Variants in PEPD observed in about 807,000 individuals in gnomAD.
The protein encoded by PEPD is xaa-Pro dipeptidase.
PEPD carries 53 observed loss-of-function variants against 60.7 expected under a neutral mutation model. That is an observed-to-expected ratio of 0.87 (90% CI 0.70 to 1.10). The LOEUF (loss-of-function observed/expected upper bound fraction) is 1.10, where lower values mean the gene tolerates loss of function less well. Ranked by LOEUF, PEPD falls within the 50% of genes least tolerant of loss-of-function variation. The pLI is 0.00. For missense variants in PEPD, 711 were observed against 711.9 expected, an observed-to-expected ratio of 1.00 and a Z score of 0.01; for synonymous variants, 267 against 284.1, an observed-to-expected ratio of 0.94 and a Z score of 0.60.
At chr19:33,392,549 C>T (rs559892955) in intron 12 of PEPD, among the ~76,000 whole-genome samples, 3 of 152,272 alleles carry the variant, frequency 2.0e-5, no homozygotes, top group African/African-American at 4.8e-5. Context: ...AGGCACGTGG[C>T]GGGGGGCCCC....
At chr19:33,411,618 C>A in intron 11 of PEPD, 54 bp downstream of exon 11, 1 of 1,008,126 alleles carries the variant, frequency 9.9e-7, no homozygotes, top group South Asian at 1.3e-5. Flanking sequence ...GAAGTTGAGT[C>A]CAACCTTGGC....
At chr19:33,512,872 G>C in intron 1 of PEPD, 96 bp from the exon 2 acceptor site, 1 of 1,390,728 alleles carries the variant, frequency 7.2e-7, no homozygotes, top group Non-Finnish European at 1.0e-6. Flanking sequence ...GCCCGAGCCT[G>C]CCGTGGGACC....
chr19:33,390,016 A>C (rs3786894), intron 13 of PEPD, among the ~76,000 whole-genome samples: 186 of 152,348 alleles, frequency 1.2e-3, no homozygotes, highest in Admixed American at 3.3e-3. Flanking sequence ...CACCGCGCCC[A>C]TGCTCGCCTC....
chr19:33,413,525 CT>C (rs1411245417), intron 10 of PEPD, 49 bp downstream of exon 10: 1 of 1,062,784 alleles, frequency 9.4e-7, no homozygotes, highest in African/African-American at 1.6e-5. Flanking sequence ...ACTAACTGCC[CT>C]ACCTCCTCCC....
rs375631938 is a variant in PEPD at position 33,490,037 on chromosome 19, G to A, written c.462C>T (p.Ser154=). 1.9e-5 allele frequency: 30 copies of A among 1,612,138 alleles called. No individual in the cohort carries two copies. Among genetic ancestry groups the A allele is most frequent in the African/African-American group, 1.2e-4 (9 of 75,020 alleles). ...LLTLRGVNTD[S]GSVCREASFD... ...AGGAGGCCTCCCTGCAGACACTGCC[G>A]CTGTCCGTGTTGACGCCACGCTGGG... The change falls in exon 6 of 15, where the codon AGC becomes AGT. Residue 154 remains serine (S), a synonymous_variant. Transcript: ENST00000244137.
rs1568442598 is a variant in PEPD, at chr19:33,387,929, A to C, written c.1305T>G (p.Leu435=). 1.3e-6 allele frequency: 2 copies of C among 1,595,452 alleles called. No homozygotes were observed. The highest frequency in any genetic ancestry group is 3.5e-5 in the Admixed American group (2 of 57,358). ...GAAAGCGCTGCAGGACCTCGCGGTT[A>C]AGGAAGGAGGCGCGGGCCGGGTCCG... ...ALADPARASF[L]NREVLQRFRG... Residue 435 remains leucine (L), a synonymous_variant, in exon 14 of 15, where the codon CTT becomes CTG. Coordinates refer to ENST00000244137, the MANE Select transcript of PEPD (RefSeq NM_000285.4).
chr19:33,428,967 G>A (rs1183367850), intron 9 of PEPD, among the ~76,000 whole-genome samples: 1 of 152,218 alleles, frequency 6.6e-6, no homozygotes, highest in Non-Finnish European at 1.5e-5. Context: ...CCCGAGTGGA[G>A]ATCTAGCCCT....
chr19:33,512,418 A>G (rs1352350940), intron 2 of PEPD, among the ~76,000 whole-genome samples, 175 bp downstream of exon 2: 1 of 152,104 alleles, frequency 6.6e-6, no homozygotes, highest in Non-Finnish European at 1.5e-5. Flanking sequence ...CCGCTGCCCC[A>G]CATCTTCAAG....
intron 9 of PEPD, among the ~76,000 whole-genome samples, chr19:33,454,790 T>G (rs1322440850): frequency 6.6e-6 from 1 of 151,218 alleles, no homozygotes; most frequent in African/African-American, 2.4e-5. Context: ...GGTAGGGGAG[T>G]GACTTTACAG....
intron 12 of PEPD, among the ~76,000 whole-genome samples, chr19:33,398,854 G>A (rs1398309593): frequency 6.6e-6 from 1 of 152,196 alleles, no homozygotes; most frequent in Non-Finnish European, 1.5e-5. Context: ...AGGCGCACGG[G>A]AATTCACGCT....
intron 6 of PEPD, among the ~76,000 whole-genome samples, chr19:33,481,799 T>C (rs1970317559): frequency 6.6e-6 from 1 of 151,358 alleles, no homozygotes; most frequent in South Asian, 2.1e-4. Context: ...GAGGCAGAGG[T>C]GGGAGAATGG....
intron 9 of PEPD, among the ~76,000 whole-genome samples, chr19:33,440,857 G>A (rs539337120): frequency 1.3e-5 from 2 of 152,280 alleles, no homozygotes; most frequent in South Asian, 2.1e-4. Context: ...TACTCAGCAC[G>A]TGTGTAATCC....
intron 9 of PEPD, among the ~76,000 whole-genome samples, chr19:33,458,646 G>A (rs1005916580): frequency 8.7e-4 from 128 of 147,690 alleles, no homozygotes; most frequent in Admixed American, 1.8e-3. Flanking sequence ...TGTGTGTTGT[G>A]TGTGGTATGT....
chr19:33,415,290 TG>T (rs138782247), intron 9 of PEPD, among the ~76,000 whole-genome samples: 9,841 of 152,310 alleles, frequency 0.065, 427 homozygotes, highest in Middle Eastern at 0.11. Flanking sequence ...AACCACGGGC[TG>T]CGCTGGGACT....
intron 4 of PEPD, among the ~76,000 whole-genome samples, chr19:33,499,013 A>G (rs10423699): frequency 0.013 from 1,985 of 152,286 alleles, 50 homozygotes; most frequent in African/African-American, 0.045. Flanking sequence ...GGGGCAGGGA[A>G]CACATCTGCC....
intron 9 of PEPD, among the ~76,000 whole-genome samples, chr19:33,425,783 G>A (rs1270689832): frequency 6.6e-6 from 1 of 152,236 alleles, no homozygotes; most frequent in Non-Finnish European, 1.5e-5. Flanking sequence ...CTCATGGAAT[G>A]ACTAACTCTG....
intron 11 of PEPD, among the ~76,000 whole-genome samples, chr19:33,404,784 C>T (rs1968580446): frequency 2.0e-5 from 3 of 152,084 alleles, no homozygotes; most frequent in Admixed American, 2.0e-4. Context: ...AGTCTATTTT[C>T]GTGCTCCTCT....
At chr19:33,424,793 C>G (rs1421998953) in intron 9 of PEPD, among the ~76,000 whole-genome samples, 1 of 152,066 alleles carries the variant, frequency 6.6e-6, no homozygotes, top group Non-Finnish European at 1.5e-5. Flanking sequence ...TGGTGGAAGA[C>G]AAGAAGGAGC....
At chr19:33,466,625 A>G (rs1412460182) in intron 7 of PEPD, among the ~76,000 whole-genome samples, 1 of 152,176 alleles carries the variant, frequency 6.6e-6, no homozygotes, top group Non-Finnish European at 1.5e-5. Context: ...GAAAACCATC[A>G]CAATACCCAG....
Sources: allele counts gnomAD v4.1 joint callset (sites outside exome capture counted in the v4.1 genomes callset), GRCh38; gene constraint gnomAD v4.1.1; transcripts MANE v1.5; gene names NCBI Gene and HGNC (gene_info 2026-07-23, HGNC 2026-07-21).